Variants in FGF14 observed in about 807,000 individuals in gnomAD.
FGF14 encodes fibroblast growth factor homologous factor 4.
A neutral mutation model predicts 25.5 loss-of-function variants in FGF14; 5 were observed. That is an observed-to-expected ratio of 0.20 (90% CI 0.10 to 0.41). FGF14 has a LOEUF of 0.41. FGF14 is among the 10% of genes least tolerant of loss of function. FGF14 has a pLI of 1.00. For missense variants in FGF14, 222 were observed against 320.1 expected (o/e 0.69, Z 2.34); for synonymous variants, 138 against 118.3 (o/e 1.17, Z -1.08).
chr13:101,966,231 T>C (rs1566505913), intron 1 of FGF14, among the ~76,000 whole-genome samples: 1 of 152,160 alleles, frequency 6.6e-6, no homozygotes, highest in Non-Finnish European at 1.5e-5. Context: ...CTGGTGTTCT[T>C]ATAAAAATGG....
At chr13:102,234,935 G>A (rs756058240) in intron 1 of FGF14, among the ~76,000 whole-genome samples, 5 of 152,210 alleles carry the variant, frequency 3.3e-5, no homozygotes, top group East Asian at 3.9e-4. Flanking sequence ...GTAAAGTCTT[G>A]TTATTATCAG....
Position 101,722,847 on chromosome 13 carries a change from T to A in FGF14, c.728A>T (p.Lys243Met). ...AIMNGGKPVN[K>M]SKTT ...AGGATCTGGCTATGTTGTCTTACTC[T>A]TGTTGACTGGTTTGCCTCCATTCAT... The change falls in exon 5 of 5, where the codon AAG becomes ATG. Residue 243 changes from lysine to methionine, a missense_variant. By Grantham distance (95) the Lys-to-Met change is moderately conservative (BLOSUM62 -1). This residue lies in a region of FGF14 where 66 missense variants were observed against 90.3 expected (regional missense o/e 0.73). Coordinates refer to ENST00000376143, the MANE Select transcript of FGF14 (RefSeq NM_004115.4). 6.2e-7 allele frequency: 1 copy of A among 1,613,342 alleles called. No homozygotes were observed. Among genetic ancestry groups the A allele is most frequent in the Non-Finnish European group, 8.5e-7 (1 of 1,179,540 alleles).
intron 3 of FGF14, among the ~76,000 whole-genome samples, chr13:101,854,398 C>T (rs750592790): frequency 4.6e-5 from 7 of 152,020 alleles, no homozygotes; most frequent in Non-Finnish European, 8.8e-5. Flanking sequence ...GAAGAACTGT[C>T]AGAGAGAGGA....
At chr13:101,838,463 G>A (rs2140308651) in intron 3 of FGF14, among the ~76,000 whole-genome samples, 1 of 152,048 alleles carries the variant, frequency 6.6e-6, no homozygotes, top group Non-Finnish European at 1.5e-5. Flanking sequence ...AATATGCATG[G>A]GAGTCACTAT....
intron 1 of FGF14, among the ~76,000 whole-genome samples, chr13:102,276,085 A>G (rs913214347): frequency 6.6e-6 from 1 of 151,914 alleles, no homozygotes; most frequent in South Asian, 2.1e-4. Flanking sequence ...GTAATTCCCT[A>G]TGAAATGTTT....
chr13:102,122,668 C>T lies in FGF14; in HGVS notation c.209-247372G>A, dbSNP rs80176508. Among the ~76,000 whole-genome samples, 203 of 152,118 alleles carry T rather than the reference C, an allele frequency of 1.3e-3. 1 individual carries two copies. The Middle Eastern group carries it at 0.017, about 13-fold the overall frequency. On this transcript the variant is annotated intron_variant, in intron 1 of 4. Coordinates refer to the FGF14 transcript ENST00000376131. ...TTAATAGAACTATTTAGTTACATGC[C>T]CTACATGGCATTTTCTCTAGCAGGA...
At chr13:101,938,372 T>G (rs55749527) in intron 1 of FGF14, among the ~76,000 whole-genome samples, 19,299 of 152,250 alleles carry the variant, frequency 0.13, 1,391 homozygotes, top group East Asian at 0.2. Context: ...TTAACATTAA[T>G]TATGATGAAC....
Position 102,214,431 on chromosome 13 carries a change from T to G in FGF14, c.208+187040A>C, listed in dbSNP as rs147900807. 1.1e-4 allele frequency among the ~76,000 whole-genome samples: 16 copies of G among 152,338 alleles called. No homozygotes were observed. The East Asian group carries it at 3.1e-3, about 29-fold the overall frequency. ...TATACAAATGTATATAGGTTTTCCTTCCTCAGGATACATCATTGGGTGGCT... is the reference window on the plus strand; with the variant it reads ...TATACAAATGTATATAGGTTTTCCTGCCTCAGGATACATCATTGGGTGGCT... On this transcript the variant is annotated intron_variant, in intron 1 of 4. Coordinates refer to the FGF14 transcript ENST00000376131.
intron 3 of FGF14, among the ~76,000 whole-genome samples, chr13:101,846,078 A>C (rs565067111): frequency 3.3e-5 from 5 of 152,048 alleles, no homozygotes; most frequent in Admixed American, 6.6e-5. Context: ...ATTTATTAAT[A>C]GTGCTACCAT....
chr13:102,106,774 G>A (rs1277099865), intron 1 of FGF14, among the ~76,000 whole-genome samples: 1 of 152,196 alleles, frequency 6.6e-6, no homozygotes, highest in Non-Finnish European at 1.5e-5. Context: ...GGCTGGTTAA[G>A]AGAAAATATG....
intron 1 of FGF14, among the ~76,000 whole-genome samples, chr13:102,270,736 T>G (rs1434431571): frequency 6.6e-6 from 1 of 152,204 alleles, no homozygotes; most frequent in Non-Finnish European, 1.5e-5. Context: ...AATTGTCTGT[T>G]CAAGCTGTTT....
chr13:102,353,898 C>G (rs540372352), intron 1 of FGF14, among the ~76,000 whole-genome samples: 2 of 152,156 alleles, frequency 1.3e-5, no homozygotes, highest in African/African-American at 4.8e-5. Flanking sequence ...ACTTCATTCT[C>G]ATTTCTTCTC....
At chr13:101,923,396 G>A (rs2034143297) in intron 1 of FGF14, among the ~76,000 whole-genome samples, 1 of 152,002 alleles carries the variant, frequency 6.6e-6, no homozygotes, top group Non-Finnish European at 1.5e-5. Context: ...CTCGATAAAT[G>A]GGTTCTATTT....
At chr13:102,329,638 TC>T (rs2056572871) in intron 1 of FGF14, among the ~76,000 whole-genome samples, 1 of 152,180 alleles carries the variant, frequency 6.6e-6, no homozygotes, top group Non-Finnish European at 1.5e-5. Context: ...CTTGCATCTT[TC>T]CTCCAACCTT....
chr13:102,226,348 G>C (rs1029612179), intron 1 of FGF14, among the ~76,000 whole-genome samples: 6 of 152,104 alleles, frequency 3.9e-5, no homozygotes, highest in African/African-American at 1.4e-4. Flanking sequence ...AATAGACCAG[G>C]AACAAAGAAA....
chr13:101,763,447 A>G (rs751076410), intron 3 of FGF14, among the ~76,000 whole-genome samples: 13 of 152,224 alleles, frequency 8.5e-5, no homozygotes, highest in Non-Finnish European at 1.3e-4. Context: ...TACCACTTTA[A>G]TGACAAGATT....
chr13:101,888,520 G>A (rs1387210944), intron 1 of FGF14, among the ~76,000 whole-genome samples: 1 of 152,016 alleles, frequency 6.6e-6, no homozygotes, highest in Non-Finnish European at 1.5e-5. Flanking sequence ...TGTGACTTTA[G>A]GTAATTCAAT....
intron 1 of FGF14, among the ~76,000 whole-genome samples, chr13:101,881,552 A>G (rs2045712238): frequency 6.6e-6 from 1 of 152,174 alleles, no homozygotes; most frequent in African/African-American, 2.4e-5. Context: ...CAATCAGCAA[A>G]ATTCTTGTGC....
At chr13:102,260,071 G>A (rs139246074) in intron 1 of FGF14, among the ~76,000 whole-genome samples, 17 of 152,152 alleles carry the variant, frequency 1.1e-4, no homozygotes, top group South Asian at 8.3e-4. Flanking sequence ...AAGAAAGAGC[G>A]GGGAGGAGGA....
Sources: gnomAD v4.1 joint callset for allele counts (sites outside exome capture counted in the v4.1 genomes callset) on GRCh38, gnomAD v4.1.1 for gene constraint, gnomAD v4.1.1 regional missense constraint, MANE v1.5 for transcripts, NCBI Gene and HGNC (gene_info 2026-07-23, HGNC 2026-07-21) for gene names.